The following DNAH10 variants were observed in gnomAD, a reference collection of about 807,000 sequenced individuals.
The protein encoded by DNAH10 is axonemal beta dynein heavy chain 10.
Under a neutral mutation model 506.6 loss-of-function variants are expected in DNAH10, and 348 were observed. That is an observed-to-expected ratio of 0.69 (90% CI 0.63 to 0.75). The LOEUF is 0.75. DNAH10 is among the 30% of genes least tolerant of loss of function. The pLI is 0.00. For missense variants in DNAH10, 5,179 were observed against 5,787.1 expected (o/e 0.89, Z 3.41); for synonymous variants, 2,059 against 2,198.6 (o/e 0.94, Z 1.78).
chr12:123,814,909 G>A (rs765125667), intron 21 of DNAH10, among the ~76,000 whole-genome samples: 21 of 152,234 alleles, frequency 1.4e-4, no homozygotes, highest in Non-Finnish European at 2.5e-4. Context: ...GAGCCACCGC[G>A]CCCGGCCTAG....
In DNAH10 at chr12:123,907,919, C is replaced by T. The variant is rs768767430; in HGVS notation, c.9816-1342C>T. Among the ~76,000 whole-genome samples, 5 of 152,168 alleles carry T rather than the reference C, an allele frequency of 3.3e-5. No individual in the cohort carries two copies. Among genetic ancestry groups the T allele is most frequent in the African/African-American group, 9.7e-5 (4 of 41,448 alleles). On this transcript the variant is annotated intron_variant, in intron 57 of 78. Transcript: ENST00000673944. This position sits in a 1 kb window ranked among gnomAD's most constrained non-coding sequence, Gnocchi z 4.4. ...TTTGTGCTGAAGTGTGGGCGCCCTC[C>T]CTCCTGGCTGTTGCCCTGGCTTGTC...
In DNAH10 at chr12:123,913,250, G is replaced by T; in HGVS notation, c.10287G>T (p.Glu3429Asp). ...AGCAGAAGCTGCAGGAAGAAGCCGA[G>T]ATCATGGAGAGGCGGCTGATTGCCG... ...LEKQKLQEEA[E>D]IMERRLIAAD... Residue 3429 changes from glutamate (E) to aspartate (D), a missense_variant, in exon 60 of 79, where the codon GAG becomes GAT. Glu to Asp is a conservative substitution (Grantham distance 45). Coordinates refer to ENST00000673944, the MANE Select transcript of DNAH10 (RefSeq NM_001372106.1). This position sits in a 1 kb window ranked among gnomAD's most constrained non-coding sequence, Gnocchi z 5.1. The T allele has an allele frequency of 1.9e-6, 3 of 1,609,262 alleles. No individual in the cohort carries two copies. The highest frequency in any genetic ancestry group is 2.5e-6 in the Non-Finnish European group (3 of 1,177,992).
At position 123,785,083 on chromosome 12, in the gene DNAH10, A is replaced by C. The variant is rs1451181780; in HGVS notation, c.1231-663A>C. ...GGATTTGTGTGGATGTGTGTTTTTAATTATTCATGTATTATGCATAGGAGT... is the reference window on the plus strand; with the variant it reads ...GGATTTGTGTGGATGTGTGTTTTTACTTATTCATGTATTATGCATAGGAGT... On this transcript the variant is annotated intron_variant, in intron 8 of 78. Coordinates refer to ENST00000673944, the MANE Select transcript of DNAH10 (RefSeq NM_001372106.1). This position sits in a 1 kb window ranked among gnomAD's most constrained non-coding sequence, Gnocchi z 4.1. 1.3e-5 allele frequency among the ~76,000 whole-genome samples: 2 copies of C among 152,218 alleles called. No individual in the cohort carries two copies. Among genetic ancestry groups the C allele is most frequent in the African/African-American group, 4.8e-5 (2 of 41,454 alleles).
chr12:123,845,757 T>C lies in DNAH10; in HGVS notation c.5518T>C (p.Leu1840=). 6.2e-7 allele frequency: 1 copy of C among 1,613,742 alleles called. No individual in the cohort carries two copies. The highest frequency in any genetic ancestry group is 1.7e-5 in the Admixed American group (1 of 60,014). Residue 1840 remains leucine, a synonymous_variant, in exon 31 of 79, where the codon TTG becomes CTG. Coordinates refer to ENST00000673944, the MANE Select transcript of DNAH10 (RefSeq NM_001372106.1). ...GRKMHRQIDE[L]VTRITMPLSK... ...GAAAATGCACCGGCAGATCGATGAGTTGGTAACGCGCATCACCATGCCGCT... is the reference window on the plus strand; with the variant it reads ...GAAAATGCACCGGCAGATCGATGAGCTGGTAACGCGCATCACCATGCCGCT...
intron 25 of DNAH10, among the ~76,000 whole-genome samples, chr12:123,827,524 G>A (rs1960118314): frequency 6.6e-6 from 1 of 152,216 alleles, no homozygotes; most frequent in Non-Finnish European, 1.5e-5. Context: ...GTGGGACAGA[G>A]GGGGCATGGG....
At chr12:123,864,511 T>G in intron 39 of DNAH10, 84 bp from the exon 40 acceptor site, 1 of 1,511,310 alleles carries the variant, frequency 6.6e-7, no homozygotes, top group Non-Finnish European at 8.9e-7. Flanking sequence ...AAAAAGACAT[T>G]CAACATGAAT....
chr12:123,906,149 G>A (rs1953769032), intron 57 of DNAH10, among the ~76,000 whole-genome samples: 1 of 151,962 alleles, frequency 6.6e-6, no homozygotes, highest in South Asian at 2.1e-4. Context: ...AGCCAGGATG[G>A]TCTCGATCTC....
intron 50 of DNAH10, 113 bp downstream of exon 50, chr12:123,879,914 G>A (rs1952430127): frequency 7.9e-7 from 1 of 1,258,638 alleles, no homozygotes; most frequent in Admixed American, 2.2e-5. Context: ...CTCTGTCTGA[G>A]GGCTTGAAAT....
chr12:123,827,251 A>G (rs1004776373), intron 25 of DNAH10, among the ~76,000 whole-genome samples: 1 of 152,222 alleles, frequency 6.6e-6, no homozygotes, highest in Admixed American at 6.5e-5. Context: ...TTTAGCTGCT[A>G]CAGTAAAAGA....
intron 26 of DNAH10, among the ~76,000 whole-genome samples, chr12:123,831,130 C>T (rs979534107): frequency 2.0e-5 from 3 of 150,728 alleles, no homozygotes; most frequent in Non-Finnish European, 4.4e-5. Flanking sequence ...ATTTATTTTG[C>T]CATTGATTTT....
At chr12:123,843,775 G>A (rs771341217) in intron 30 of DNAH10, among the ~76,000 whole-genome samples, 6 of 152,072 alleles carry the variant, frequency 3.9e-5, no homozygotes, top group African/African-American at 1.2e-4. Flanking sequence ...ACAGGGTTTC[G>A]CCATGTTGGC....
chr12:123,833,063 C>T (rs555477489), intron 26 of DNAH10, 51 bp from the exon 27 acceptor site: 52 of 1,448,630 alleles, frequency 3.6e-5, no homozygotes, highest in South Asian at 4.9e-5. Context: ...GGTTGGGGCT[C>T]GGTCCTTTCA....
rs1273729930 is a variant in DNAH10 at position 123,871,443 on chromosome 12, A to G, written c.7640-14A>G. 6.3e-7 allele frequency: 1 copy of G among 1,584,950 alleles called. No individual in the cohort carries two copies. On this transcript the variant is annotated splice_polypyrimidine_tract_variant and intron_variant, in intron 44 of 78. Transcript: ENST00000673944. ...GAGTTGCTGAGATGCCCCTGTTCCT[A>G]ATGTCTACTTTAGTTCACACAGTGG...
At chr12:123,869,502 T>C (rs1320149573) in intron 43 of DNAH10, among the ~76,000 whole-genome samples, 2 of 152,226 alleles carry the variant, frequency 1.3e-5, no homozygotes, top group East Asian at 1.9e-4. Flanking sequence ...CAAAGGAGCA[T>C]TGGGCCTTTT....
Position 123,781,080 on chromosome 12 carries a change from G to GT in DNAH10, c.629dup (p.Leu210PhefsTer24), listed in dbSNP as rs757790699. On this transcript the variant is annotated frameshift_variant and splice_region_variant, in exon 6 of 79. Coordinates refer to ENST00000673944, the MANE Select transcript of DNAH10 (RefSeq NM_001372106.1). LOFTEE classifies it high-confidence loss of function. ...GTATTTCATAAAATTGGCATTTCAG[G>GT]TTTTTTTGCCAGCATTGTCCTTCAA... 1.5e-5 allele frequency: 24 copies of GT among 1,590,808 alleles called. No homozygotes were observed. Among genetic ancestry groups the GT allele is most frequent in the African/African-American group, 2.7e-5 (2 of 73,834 alleles).
chr12:123,792,567 C>T (rs1438208268), intron 11 of DNAH10, among the ~76,000 whole-genome samples: 1 of 148,974 alleles, frequency 6.7e-6, no homozygotes, highest in Non-Finnish European at 1.5e-5. Flanking sequence ...TCAAGCAATT[C>T]TCTTGCCTTG....
intron 37 of DNAH10, among the ~76,000 whole-genome samples, 175 bp downstream of exon 37, chr12:123,857,422 C>A (rs992712962): frequency 1.3e-5 from 2 of 152,206 alleles, no homozygotes; most frequent in Non-Finnish European, 2.9e-5. Flanking sequence ...TACCATCTTA[C>A]CTACTTTTAA....
intron 53 of DNAH10, among the ~76,000 whole-genome samples, chr12:123,894,318 G>A (rs1157123627): frequency 6.6e-6 from 1 of 151,490 alleles, no homozygotes; most frequent in Non-Finnish European, 1.5e-5. Context: ...GTGCAGTGGT[G>A]TGATCTTGGC....
chr12:123,902,792 C>A lies in DNAH10; in HGVS notation c.9641-147C>A, dbSNP rs933878589. The A allele has an allele frequency of 2.9e-6, 3 of 1,040,824 alleles. No individual in the cohort carries two copies. Among genetic ancestry groups the A allele is most frequent in the Non-Finnish European group, 1.4e-6 (1 of 739,824 alleles). The allele number at this position is 1,040,824 out of a possible 1,614,324, so 64.5% of individuals were successfully genotyped here. On this transcript the variant is annotated intron_variant, in intron 56 of 78. Coordinates refer to ENST00000673944, the MANE Select transcript of DNAH10 (RefSeq NM_001372106.1). The surrounding 1 kb of genome is among the most constrained non-coding windows in gnomAD (Gnocchi z 4.5). ...GTGAGGTTTTCTGTCCCACCAGGAT[C>A]ACTGAGGCTGCCACATTGGCCAGAG...
Sources: allele counts gnomAD v4.1 joint callset (sites outside exome capture counted in the v4.1 genomes callset), GRCh38; gene constraint gnomAD v4.1.1; non-coding constraint Gnocchi (gnomAD v3.1); transcripts MANE v1.5; gene names NCBI Gene and HGNC (gene_info 2026-07-23, HGNC 2026-07-21).